The following HERC2 variants were observed in gnomAD, a reference collection of about 807,000 sequenced individuals.
HERC2 encodes HECT and RLD domain containing E3 ubiquitin protein ligase 2.
Under a neutral mutation model 537.7 loss-of-function variants are expected in HERC2, and 102 were observed. The ratio of observed to expected loss-of-function variants is 0.19; its 90% CI spans 0.16 to 0.22. The LOEUF is 0.22. Among genes scored for constraint, HERC2 ranks in the 10% least tolerant of loss-of-function variants. HERC2 has a pLI of 1.00. For synonymous variants in HERC2, 2,224 were observed against 2,466.2 expected, an observed-to-expected ratio of 0.90 and a Z score of 2.91; for missense variants, 4,236 against 6,198.2, an observed-to-expected ratio of 0.68 and a Z score of 10.63.
intron 23 of HERC2, among the ~76,000 whole-genome samples, chr15:28,242,167 T>G (rs569533981): frequency 6.6e-6 from 1 of 152,114 alleles, no homozygotes; most frequent in Non-Finnish European, 1.5e-5. Context: ...CTAGGGAAAA[T>G]TGGTGTTTAA....
intron 86 of HERC2, among the ~76,000 whole-genome samples, chr15:28,120,456 T>G (rs1343389356): frequency 6.6e-6 from 1 of 152,244 alleles, no homozygotes; most frequent in Admixed American, 6.5e-5. Context: ...CGAGGCCAGT[T>G]TCATTTGAGC....
intron 78 of HERC2, among the ~76,000 whole-genome samples, chr15:28,138,843 T>C (rs1357739354): frequency 6.6e-6 from 1 of 152,240 alleles, no homozygotes; most frequent in East Asian, 1.9e-4. Flanking sequence ...GAAAACCTTC[T>C]GGAAAGCCAG....
At chr15:28,167,969 G>A in intron 67 of HERC2, 142 bp from the exon 68 acceptor site, 1 of 923,706 alleles carries the variant, frequency 1.1e-6, no homozygotes, top group Non-Finnish European at 1.6e-6. Flanking sequence ...GTAACATGGT[G>A]CCCACCAGAC....
intron 20 of HERC2, among the ~76,000 whole-genome samples, chr15:28,250,168 A>AATCCCACTTGCCC (rs1904160941): frequency 6.6e-6 from 1 of 151,438 alleles, no homozygotes; most frequent in Admixed American, 6.7e-5. Context: ...CAGGCTTGTC[A>AATCCCACTTGCCC]ATCCCACTTG....
chr15:28,130,431 A>C, intron 82 of HERC2, 72 bp downstream of exon 82: 3 of 1,580,156 alleles, frequency 1.9e-6, no homozygotes, highest in Non-Finnish European at 2.6e-6. Context: ...ATTCCCATCC[A>C]TGAAAAGGTG....
chr15:28,170,014 G>C (rs189188214), intron 65 of HERC2, among the ~76,000 whole-genome samples: 198 of 152,284 alleles, frequency 1.3e-3, no homozygotes, highest in African/African-American at 4.6e-3. Context: ...AAACAACAAA[G>C]AGAAAAGATG....
chr15:28,123,257 A>C (rs1889122479), intron 85 of HERC2, among the ~76,000 whole-genome samples: 1 of 152,228 alleles, frequency 6.6e-6, no homozygotes, highest in Non-Finnish European at 1.5e-5. Context: ...CAGGACTCCA[A>C]AACATTGCAA....
Position 28,293,018 on chromosome 15 carries a change from A to G in HERC2, c.192T>C (p.Asp64=). 2 of 1,605,404 alleles carry G rather than the reference A, an allele frequency of 1.2e-6. No individual in the cohort carries two copies. The highest frequency in any genetic ancestry group is 1.7e-6 in the Non-Finnish European group (2 of 1,178,462). The change falls in exon 4 of 93, where the codon GAT becomes GAC. Residue 64 remains aspartate (D), a synonymous_variant. Coordinates refer to ENST00000261609, the MANE Select transcript of HERC2 (RefSeq NM_004667.6). ...TCTTTGTTCCACTTGGTTCGACACT[A>G]TCATCTGCAGAATTAAAAATTTTTT... ...QNGELPPRKD[D]SVEPSGTKKE...
chr15:28,182,719 C>T (rs764779033), intron 56 of HERC2, among the ~76,000 whole-genome samples: 38 of 152,138 alleles, frequency 2.5e-4, no homozygotes, highest in Non-Finnish European at 4.3e-4. Flanking sequence ...TACAACCATG[C>T]CACCTTTTAA....
intron 2 of HERC2, among the ~76,000 whole-genome samples, chr15:28,319,194 C>T (rs2077168690): frequency 6.6e-6 from 1 of 152,248 alleles, no homozygotes. Flanking sequence ...GCTTAGCAAT[C>T]ACTTTTTTCA....
At chr15:28,246,598 T>TA (rs139539730) in intron 22 of HERC2, 144 bp downstream of exon 22, 70,473 of 436,568 alleles carry the variant, frequency 0.16, 19 homozygotes, top group Middle Eastern at 0.22. Flanking sequence ...TGTCAGTAAC[T>TA]AAAAAAAAAA....
intron 35 of HERC2, among the ~76,000 whole-genome samples, chr15:28,223,978 G>C (rs532546649): frequency 1.3e-5 from 2 of 152,076 alleles, no homozygotes; most frequent in East Asian, 1.9e-4. Context: ...TTTCTCGATG[G>C]AGATATGCTT....
At chr15:28,249,749 C>T (rs1356979691) in intron 20 of HERC2, among the ~76,000 whole-genome samples, 2 of 151,814 alleles carry the variant, frequency 1.3e-5, no homozygotes, top group South Asian at 2.1e-4. Flanking sequence ...CGGGTTAAAG[C>T]GATTCTCCTG....
intron 65 of HERC2, 25 bp from the exon 66 acceptor site, chr15:28,169,680 A>G (rs1460278009): frequency 2.5e-6 from 4 of 1,591,736 alleles, no homozygotes; most frequent in East Asian, 2.2e-5. Flanking sequence ...TAAAATTTGC[A>G]TTGTTTTTAA....
At chr15:28,280,422 T>C in intron 4 of HERC2, 135 bp from the exon 5 acceptor site, 3 of 688,004 alleles carry the variant, frequency 4.4e-6, no homozygotes, top group East Asian at 2.7e-5. Flanking sequence ...TTAACCACTT[T>C]ACACACATGA....
At chr15:28,182,547 A>C in intron 56 of HERC2, 35 bp from the exon 57 acceptor site, 1 of 1,475,202 alleles carries the variant, frequency 6.8e-7, no homozygotes, top group Non-Finnish European at 9.4e-7. Context: ...AAAAGAAAAG[A>C]GAGGTTATTC....
intron 5 of HERC2, among the ~76,000 whole-genome samples, chr15:28,279,511 C>A (rs544646913): frequency 1.6e-4 from 25 of 151,880 alleles, no homozygotes; most frequent in Non-Finnish European, 3.5e-4. Context: ...AATGTCTTTA[C>A]AATAATGACA....
chr15:28,174,324 C>A, intron 65 of HERC2, 71 bp downstream of exon 65: 1 of 1,124,090 alleles, frequency 8.9e-7, no homozygotes. Flanking sequence ...TGTGTTGGCA[C>A]AATTAAATAA....
Position 28,233,692 on chromosome 15 carries a change from T to A in HERC2, c.4323A>T (p.Leu1441Phe). ...AATCTTCATGTTTTAAGAGGCAACA[T>A]AACAACAAGCGACCGACCTCTTCCA... is the stretch of plus-strand genomic sequence containing the variant. ...HPVEEVGRLL[L>F]CCLLKHEDLG... The change falls in exon 28 of 93, where the codon TTA becomes TTT. Residue 1441 changes from leucine to phenylalanine, a missense_variant. Physicochemically the swap from Leu to Phe is conservative, Grantham distance 22 (BLOSUM62 0). This residue lies in a region of HERC2 where 94 missense variants were observed against 174.9 expected (regional missense o/e 0.54). Transcript: ENST00000261609. 1 of 1,613,898 alleles carries A rather than the reference T, an allele frequency of 6.2e-7. No individual in the cohort carries two copies. Among genetic ancestry groups the A allele is most frequent in the Non-Finnish European group, 8.5e-7 (1 of 1,179,828 alleles).
Sources: allele counts gnomAD v4.1 joint callset (sites outside exome capture counted in the v4.1 genomes callset), GRCh38; gene constraint gnomAD v4.1.1; regional missense constraint gnomAD v4.1.1; transcripts MANE v1.5; gene names NCBI Gene and HGNC (gene_info 2026-07-23, HGNC 2026-07-21).